Variants in DNAH1 observed in about 807,000 individuals in gnomAD.
DNAH1 encodes the protein axonemal beta dynein heavy chain 1.
Under a neutral mutation model 484.3 loss-of-function variants are expected in DNAH1, and 327 were observed. The observed-to-expected ratio is 0.68, with a 90% confidence interval of 0.62 to 0.74. The LOEUF (loss-of-function observed/expected upper bound fraction) is 0.74. DNAH1 is among the 30% of genes least tolerant of loss of function. DNAH1 has a pLI of 0.00. For missense variants in DNAH1, 5,052 were observed against 5,546.8 expected, an observed-to-expected ratio of 0.91 and a Z score of 2.83; for synonymous variants, 2,192 against 2,191.9, an observed-to-expected ratio of 1.00 and a Z score of 0.00.
Position 52,391,070 on chromosome 3 carries a change from A to C in DNAH1, c.9741+16A>C, listed in dbSNP as rs768898475. 1 of 1,576,954 alleles carries C rather than the reference A, an allele frequency of 6.3e-7. No individual in the cohort carries two copies. Among genetic ancestry groups the C allele is most frequent in the South Asian group, 1.2e-5 (1 of 86,370 alleles). ...CAAGAACATGGTGAGCCCACCCACC[A>C]GGCACCACCACCCCACCCCAGCCAG... On this transcript the variant is annotated intron_variant, in intron 61 of 77. Transcript: ENST00000420323.
intron 43 of DNAH1, among the ~76,000 whole-genome samples, 164 bp downstream of exon 43, chr3:52,372,551 C>T (rs575650555): frequency 1.3e-5 from 2 of 152,364 alleles, no homozygotes; most frequent in Admixed American, 6.5e-5. Context: ...CAGACTGCTC[C>T]AGAGCCTTCC....
intron 50 of DNAH1, among the ~76,000 whole-genome samples, chr3:52,382,866 C>T (rs1703916990): frequency 1.3e-5 from 2 of 152,230 alleles, no homozygotes; most frequent in Admixed American, 1.3e-4. Flanking sequence ...ACAGAACAGG[C>T]TTCAACCTGG....
Position 52,398,146 on chromosome 3 carries a change from G to A in DNAH1, c.12073G>A (p.Val4025Ile). 1 of 1,609,358 alleles carries A rather than the reference G, an allele frequency of 6.2e-7. No individual in the cohort carries two copies. Among genetic ancestry groups the A allele is most frequent in the Non-Finnish European group, 8.5e-7 (1 of 1,177,920 alleles). The change falls in exon 75 of 78, where the codon GTA (valine) becomes ATA (isoleucine). Residue 4025 changes from valine (V) to isoleucine (I), a missense_variant. Val to Ile is a conservative substitution (Grantham distance 29, BLOSUM62 3). This residue lies in a region of DNAH1 where 853 missense variants were observed against 899.0 expected (regional missense o/e 0.95). Transcript: ENST00000420323. Reference sequence around the variant, plus strand: ...TGAGGAATCAATGAACACAGTACTAGTACAAGAGGTCATTAGGTAATCACC... The same window carrying A: ...TGAGGAATCAATGAACACAGTACTAATACAAGAGGTCATTAGGTAATCACC... ...LYEESMNTVL[V>I]QEVIRYNRLL...
Position 52,381,765 on chromosome 3 carries a change from G to A in DNAH1, c.7734G>A (p.Ala2578=), listed in dbSNP as rs779236695. 8.7e-6 allele frequency: 14 copies of A among 1,604,976 alleles called. No homozygotes were observed. The highest frequency in any genetic ancestry group is 5.4e-5 in the African/African-American group (4 of 74,754). ...GCATCAGCCGCACCCTACGCCAGGC[G>A]CTGGGCAATGCACTCCTGCTGGGCG... ...ICRISRTLRQ[A]LGNALLLGVG... is the part of the protein sequence containing the mutation. Residue 2578 remains alanine, a synonymous_variant, in exon 49 of 78, where the codon GCG becomes GCA. Coordinates refer to ENST00000420323, the MANE Select transcript of DNAH1 (RefSeq NM_015512.5). This position sits in a 1 kb window ranked among gnomAD's most constrained non-coding sequence, Gnocchi z 4.1.
In DNAH1 at chr3:52,331,316, G is replaced by T; in HGVS notation, c.1033+7G>T. 1.3e-6 allele frequency: 2 copies of T among 1,599,338 alleles called. No homozygotes were observed. Among genetic ancestry groups the T allele is most frequent in the Non-Finnish European group, 1.7e-6 (2 of 1,173,592 alleles). ...GCAGGGGTCACCACTGAAGGTATGA[G>T]GTCCTGCCGCTGCCCCAGGCAGAAC... On this transcript the variant is annotated splice_region_variant and intron_variant, in intron 7 of 77. Coordinates refer to ENST00000420323, the MANE Select transcript of DNAH1 (RefSeq NM_015512.5).
chr3:52,331,228 C>T lies in DNAH1; in HGVS notation c.952C>T (p.Leu318=), dbSNP rs776900676. 6.2e-6 allele frequency: 10 copies of T among 1,611,028 alleles called. No homozygotes were observed. Among genetic ancestry groups the T allele is most frequent in the Non-Finnish European group, 8.5e-6 (10 of 1,178,736 alleles). The change falls in exon 7 of 78, where the codon CTG becomes TTG. Residue 318 remains leucine, a synonymous_variant. Coordinates refer to ENST00000420323, the MANE Select transcript of DNAH1 (RefSeq NM_015512.5). ...CTACGACGAGGAGAAGAAGCTATAC[C>T]TGGTACACAAGACAGACGAGAAAGG... ...LDYDEEKKLY[L]VHKTDEKGLV...
At position 52,391,285 on chromosome 3, in the gene DNAH1, G is replaced by T. The variant is rs372044511; in HGVS notation, c.9848G>T (p.Gly3283Val). ...FGKPCLLENVGEELDPALEPV... is the reference protein window; with the variant it reads ...FGKPCLLENVVEELDPALEPV... ...AAGCCATGTCTCCTGGAGAACGTGG[G>T]CGAGGAGCTAGACCCAGCCCTGGAG... The change falls in exon 62 of 78, where the codon GGC (glycine) becomes GTC (valine). Residue 3283 changes from glycine to valine, a missense_variant. Coordinates refer to ENST00000420323, the MANE Select transcript of DNAH1 (RefSeq NM_015512.5). The T allele has an allele frequency of 1.2e-5, 20 of 1,612,958 alleles. No individual in the cohort carries two copies. The highest frequency in any genetic ancestry group is 1.7e-5 in the Non-Finnish European group (20 of 1,179,464).
chr3:52,323,520 T>G (rs552699177), intron 2 of DNAH1, among the ~76,000 whole-genome samples: 12 of 152,312 alleles, frequency 7.9e-5, no homozygotes, highest in Admixed American at 3.9e-4. Context: ...CAGTACCTGC[T>G]TCATGGCTCA....
At chr3:52,389,179 C>T (rs1386059048) in intron 59 of DNAH1, among the ~76,000 whole-genome samples, 1 of 152,280 alleles carries the variant, frequency 6.6e-6, no homozygotes, top group Non-Finnish European at 1.5e-5. Context: ...CACTTCTGCA[C>T]TTGCTGCATG....
At chr3:52,350,690 G>T (rs1224095829) in intron 16 of DNAH1, 100 bp downstream of exon 16, 5 of 1,114,576 alleles carry the variant, frequency 4.5e-6, no homozygotes, top group Admixed American at 2.0e-5. Flanking sequence ...CACAGTCTGT[G>T]CAATCTCCCC....
At position 52,380,001 on chromosome 3, in the gene DNAH1, C is replaced by A. The variant is rs1278323497; in HGVS notation, c.7474C>A (p.Leu2492Ile). Residue 2492 changes from leucine (L) to isoleucine (I), a missense_variant, in exon 48 of 78, where the codon CTC becomes ATC. This residue lies in a region of DNAH1 where 2,929 missense variants were observed against 3,409.4 expected (regional missense o/e 0.86). Transcript: ENST00000420323. ...GGAGGACCGCAGCTGGTTCGACCAG[C>A]TCCTCAAGCGCTGCATGGAGCAGTG... ...NEEDRSWFDQ[L>I]LKRCMEQWEV... is the part of the protein sequence containing the mutation. 1 of 1,592,080 alleles carries A rather than the reference C, an allele frequency of 6.3e-7. No individual in the cohort carries two copies. Among genetic ancestry groups the A allele is most frequent in the Non-Finnish European group, 8.6e-7 (1 of 1,169,452 alleles).
intron 7 of DNAH1, 121 bp downstream of exon 7, chr3:52,331,430 C>T (rs1292029033): frequency 7.5e-6 from 9 of 1,195,366 alleles, no homozygotes; most frequent in Admixed American, 2.8e-5. Context: ...TTCTGTTTGC[C>T]CAATGCCCTG....
At chr3:52,341,515 A>C (rs1701938722) in intron 8 of DNAH1, among the ~76,000 whole-genome samples, 1 of 140,778 alleles carries the variant, frequency 7.1e-6, no homozygotes, top group Non-Finnish European at 1.5e-5. Flanking sequence ...CCAGAACAAG[A>C]GGGCTTGACT....
chr3:52,386,429 C>A lies in DNAH1; in HGVS notation c.8811+84C>A, dbSNP rs1704113852. On this transcript the variant is annotated intron_variant, in intron 55 of 77. Transcript: ENST00000420323. ...CCTCTGCACATCCCCTGGGACCCAG[C>A]AGCCTGCCCCACCCTCCTCATTCCA... is the stretch of plus-strand genomic sequence containing the variant. The A allele has an allele frequency of 3.5e-6, 5 of 1,448,524 alleles. No homozygotes were observed. The East Asian group carries it at 1.0e-4, about 29-fold the overall frequency. The allele number at this position is 1,448,524 out of a possible 1,614,324, so 89.7% of individuals were successfully genotyped here. A position where few individuals can be genotyped will look rare whatever the true frequency, so the allele number is the denominator to read the frequency against.
Position 52,395,708 on chromosome 3 carries a change from TG to T in DNAH1, c.11259+34del. 2 of 1,603,056 alleles carry T rather than the reference TG, an allele frequency of 1.2e-6. No individual in the cohort carries two copies. Among genetic ancestry groups the T allele is most frequent in the Non-Finnish European group, 1.7e-6 (2 of 1,174,510 alleles). On this transcript the variant is annotated intron_variant, in intron 70 of 77. Coordinates refer to ENST00000420323, the MANE Select transcript of DNAH1 (RefSeq NM_015512.5). The surrounding 1 kb of genome is among the most constrained non-coding windows in gnomAD (Gnocchi z 4.4). ...GTTGCCCTGCCCATCACAGACCCAG[TG>T]GGGCCGCCTCTGCATCCATCAGGGA...
Position 52,389,541 on chromosome 3 carries a change from G to GAGTCTC in DNAH1, c.9576_9577insAGTCTC (p.Thr3192_Leu3193insSerLeu). 1 of 1,569,408 alleles carries GAGTCTC rather than the reference G, an allele frequency of 6.4e-7. No individual in the cohort carries two copies. Among genetic ancestry groups the GAGTCTC allele is most frequent in the Non-Finnish European group, 8.6e-7 (1 of 1,158,648 alleles). ...ATGTCCCACACACCTCCGAGCCCACGCTAATCGGGACGCTGGGGAACCCTG... is the reference window on the plus strand; with the variant it reads ...ATGTCCCACACACCTCCGAGCCCACGAGTCTCCTAATCGGGACGCTGGGGAACCCTG... On this transcript the variant is annotated inframe_insertion, in exon 60 of 78. Coordinates refer to ENST00000420323, the MANE Select transcript of DNAH1 (RefSeq NM_015512.5).
At chr3:52,311,854 C>A (rs1700773613), upstream of DNAH1, among the ~76,000 whole-genome samples, 1 of 152,188 alleles carries the variant, frequency 6.6e-6, no homozygotes, top group Non-Finnish European at 1.5e-5. Flanking sequence ...CCCACAGGGA[C>A]CCCCCTCCTG....
intron 45 of DNAH1, among the ~76,000 whole-genome samples, chr3:52,375,733 C>G (rs1040962957): frequency 6.6e-6 from 1 of 152,170 alleles, no homozygotes; most frequent in Non-Finnish European, 1.5e-5. Flanking sequence ...TACATACATA[C>G]GTATACGTTA....
upstream of DNAH1, among the ~76,000 whole-genome samples, chr3:52,313,747 T>C (rs1054152371): frequency 6.6e-6 from 1 of 152,090 alleles, no homozygotes; most frequent in Admixed American, 6.6e-5. Context: ...ACACATTCGC[T>C]CCTGGAGGTC....
Sources: gnomAD v4.1 joint callset for allele counts (sites outside exome capture counted in the v4.1 genomes callset) on GRCh38, gnomAD v4.1.1 for gene constraint, gnomAD v4.1.1 regional missense constraint, Gnocchi (gnomAD v3.1) non-coding constraint, MANE v1.5 for transcripts, NCBI Gene and HGNC (gene_info 2026-07-23, HGNC 2026-07-21) for gene names.